Variants in ZFHX3 observed in about 807,000 individuals in gnomAD.
ZFHX3 encodes zinc finger homeobox 3, also known as zinc finger homeobox protein 3.
A neutral mutation model predicts 279.1 loss-of-function variants in ZFHX3; 42 were observed. The observed-to-expected ratio is 0.15, with a 90% CI of 0.12 to 0.19. The LOEUF (loss-of-function observed/expected upper bound fraction) is 0.19, where lower values mean the gene tolerates loss of function less well. Ranked by LOEUF, ZFHX3 falls within the 10% of genes least tolerant of loss-of-function variation. The probability of loss-of-function intolerance (pLI) is 1.00; values close to 1 mark genes in which losing one functional copy is unlikely to be tolerated. For missense variants in ZFHX3, 4,981 were observed against 4,754.0 expected (o/e 1.05, Z -1.40); for synonymous variants, 2,293 against 1,957.8 (o/e 1.17, Z -4.52).
intron 3 of ZFHX3, among the ~76,000 whole-genome samples, chr16:73,324,115 T>A (rs943240959): frequency 6.6e-6 from 1 of 152,192 alleles, no homozygotes; most frequent in Non-Finnish European, 1.5e-5. Flanking sequence ...TGTAGCCAAG[T>A]GTAGCCAGAC....
At chr16:73,753,985 A>AGTGTGTGTGTGTGTGTGTGTGTGT (rs2053783574) in intron 1 of ZFHX3, among the ~76,000 whole-genome samples, 2 of 29,452 alleles carry the variant, frequency 6.8e-5, no homozygotes, top group South Asian at 2.2e-3. Context: ...AGTAAGAATC[A>AGTGTGTGTGTGTGTGTGTGTGTGT]ATGTGTGTGT....
intron 1 of ZFHX3, among the ~76,000 whole-genome samples, chr16:73,745,687 C>T (rs929882359): frequency 6.6e-6 from 1 of 152,186 alleles, no homozygotes; most frequent in Non-Finnish European, 1.5e-5. Context: ...TGAACATGCC[C>T]TATGGATCCC....
chr16:73,377,888 C>G (rs2016749206), intron 3 of ZFHX3, among the ~76,000 whole-genome samples: 1 of 151,354 alleles, frequency 6.6e-6, no homozygotes, highest in South Asian at 2.1e-4. Context: ...AAAAAATGAG[C>G]CGGGCGTGGT....
intron 5 of ZFHX3, among the ~76,000 whole-genome samples, chr16:73,194,383 A>G (rs1408067430): frequency 6.6e-6 from 1 of 151,912 alleles, no homozygotes; most frequent in Non-Finnish European, 1.5e-5. Flanking sequence ...TATTTTCAGT[A>G]CAGATGGGGT....
Position 73,298,024 on chromosome 16 carries a change from A to T in ZFHX3, c.-1194+20216T>A, listed in dbSNP as rs116575885. 9.3e-3 allele frequency among the ~76,000 whole-genome samples: 1,408 copies of T among 151,322 alleles called. 37 individuals are homozygous for T. Among genetic ancestry groups the T allele is most frequent in the African/African-American group, 0.033 (1,358 of 40,968 alleles). On this transcript the variant is annotated intron_variant, in intron 4 of 17. Transcript: ENST00000641206. ...ACATAACCAGACCCTGTCTCTAAAAAAAATAAATAAATAACAATTAGCCAG... is the reference window on the plus strand; with the variant it reads ...ACATAACCAGACCCTGTCTCTAAAATAAATAAATAAATAACAATTAGCCAG...
At chr16:72,892,252 A>G (rs1371146101) in intron 3 of ZFHX3, among the ~76,000 whole-genome samples, 1 of 152,252 alleles carries the variant, frequency 6.6e-6, no homozygotes, top group Non-Finnish European at 1.5e-5. Context: ...AGTATCCCAC[A>G]GGAAATCTTG....
intron 1 of ZFHX3, among the ~76,000 whole-genome samples, chr16:73,806,920 C>G (rs984477276): frequency 1.3e-5 from 2 of 152,128 alleles, no homozygotes; most frequent in Non-Finnish European, 2.9e-5. Flanking sequence ...CTGAGGCTAA[C>G]TCAAGGGAAT....
rs1024884811 is a variant in ZFHX3 at position 73,310,012 on chromosome 16, G to T, written c.-1194+8228C>A. Among the ~76,000 whole-genome samples, 3 of 145,948 alleles carry T rather than the reference G, an allele frequency of 2.1e-5. No individual in the cohort carries two copies. The East Asian group carries it at 6.1e-4, about 30-fold the overall frequency. ...CAACCTCCACCTCCCAGGTTCAAGC[G>T]ATTCTCCTGCCTCAGCCTCCTGAGT... On this transcript the variant is annotated intron_variant, in intron 4 of 17. Coordinates refer to the ZFHX3 transcript ENST00000641206.
chr16:73,750,952 A>C (rs2053757068), intron 1 of ZFHX3, among the ~76,000 whole-genome samples: 1 of 152,216 alleles, frequency 6.6e-6, no homozygotes, highest in Non-Finnish European at 1.5e-5. Flanking sequence ...TGAGCATAAA[A>C]ATCCAAAATG....
At chr16:72,792,612 T>A (rs1330271774) in intron 9 of ZFHX3, among the ~76,000 whole-genome samples, 1 of 151,958 alleles carries the variant, frequency 6.6e-6, no homozygotes, top group African/African-American at 2.4e-5. Context: ...CCACCACACT[T>A]GGGTAATTTT....
chr16:73,776,120 C>G (rs1332790000), intron 1 of ZFHX3, among the ~76,000 whole-genome samples: 1 of 152,160 alleles, frequency 6.6e-6, no homozygotes, highest in Non-Finnish European at 1.5e-5. Context: ...CATACACACA[C>G]AGCAGGGATG....
At chr16:72,887,567 A>C (rs2038658425) in intron 4 of ZFHX3, among the ~76,000 whole-genome samples, 1 of 148,726 alleles carries the variant, frequency 6.7e-6, no homozygotes, top group South Asian at 2.2e-4. Context: ...GGGGTGCAGG[A>C]GTGTGCGGGG....
chr16:73,772,050 G>A (rs118097385), intron 1 of ZFHX3, among the ~76,000 whole-genome samples: 1 of 152,120 alleles, frequency 6.6e-6, no homozygotes, highest in Non-Finnish European at 1.5e-5. Context: ...CTTAAACTGT[G>A]GGGATGTGAG....
At chr16:73,692,376 A>G (rs1375283067) in intron 1 of ZFHX3, among the ~76,000 whole-genome samples, 1 of 152,068 alleles carries the variant, frequency 6.6e-6, no homozygotes, top group African/African-American at 2.4e-5. Context: ...GGTGTTTAAC[A>G]CCCTTTTTAT....
intron 2 of ZFHX3, among the ~76,000 whole-genome samples, chr16:73,584,996 C>T (rs2051909108): frequency 6.6e-6 from 1 of 152,224 alleles, no homozygotes; most frequent in Non-Finnish European, 1.5e-5. Flanking sequence ...CATCACTAAT[C>T]ATTAAAGAAA....
intron 3 of ZFHX3, among the ~76,000 whole-genome samples, chr16:73,347,506 C>T (rs2016145051): frequency 6.6e-6 from 1 of 152,216 alleles, no homozygotes; most frequent in Non-Finnish European, 1.5e-5. Flanking sequence ...ACCGTCCTCA[C>T]CCTTCTCAGA....
chr16:72,848,857 T>A (rs1238484055), intron 4 of ZFHX3, among the ~76,000 whole-genome samples: 2 of 152,064 alleles, frequency 1.3e-5, no homozygotes, highest in Non-Finnish European at 2.9e-5. Flanking sequence ...AACGTCACCT[T>A]GGCATGCTGC....
chr16:73,791,922 A>G (rs1429118442), intron 1 of ZFHX3, among the ~76,000 whole-genome samples: 1 of 152,204 alleles, frequency 6.6e-6, no homozygotes, highest in Non-Finnish European at 1.5e-5. Flanking sequence ...AAGCTTACAG[A>G]GCCTTCATAG....
intron 1 of ZFHX3, among the ~76,000 whole-genome samples, chr16:73,786,384 A>T (rs1959647002): frequency 6.6e-6 from 1 of 152,038 alleles, no homozygotes; most frequent in Admixed American, 6.5e-5. Context: ...ATTGATTCAT[A>T]TTATAAAATG....
Sources: allele counts gnomAD v4.1 joint callset (sites outside exome capture counted in the v4.1 genomes callset), GRCh38; gene constraint gnomAD v4.1.1; transcripts MANE v1.5; gene names NCBI Gene and HGNC (gene_info 2026-07-23, HGNC 2026-07-21).